LYPLAL1: variants seen among roughly 807,000 people sequenced by gnomAD.
LYPLAL1 encodes the protein lysophospholipase-like protein 1.
LYPLAL1 carries 23 observed loss-of-function variants against 19.7 expected under a neutral mutation model. The ratio of observed to expected loss-of-function variants is 1.17; its 90% CI spans 0.84 to 1.65. The LOEUF (loss-of-function observed/expected upper bound fraction) is 1.65, where lower values mean the gene tolerates loss of function less well. Among genes scored for constraint, LYPLAL1 ranks in the 40% most tolerant of loss-of-function variants. The pLI, the probability that LYPLAL1 is intolerant of heterozygous loss-of-function variation, is 0.00. For synonymous variants in LYPLAL1, 119 were observed against 96.3 expected (o/e 1.24, Z -1.38); for missense variants, 355 against 279.4 (o/e 1.27, Z -1.93).
the LYPLAL1 span, among the ~76,000 whole-genome samples, chr1:219,331,334 C>T: frequency 6.6e-6 from 1 of 152,120 alleles, no homozygotes; most frequent in African/African-American, 2.4e-5. Context: ...CCATTCCAAA[C>T]TCAGTAGCTT....
chr1:219,292,229 G>A, the LYPLAL1 span, among the ~76,000 whole-genome samples: 1 of 152,186 alleles, frequency 6.6e-6, no homozygotes, highest in Non-Finnish European at 1.5e-5. Flanking sequence ...TCCTGGGAAT[G>A]TGAAAGCCCT....
At chr1:219,304,281 A>G in the LYPLAL1 span, among the ~76,000 whole-genome samples, 1 of 152,256 alleles carries the variant, frequency 6.6e-6, no homozygotes, top group Admixed American at 6.5e-5. Context: ...CCATGCATTT[A>G]TAGTAGATGC....
At chr1:219,233,156 C>T in the LYPLAL1 span, among the ~76,000 whole-genome samples, 1 of 152,170 alleles carries the variant, frequency 6.6e-6, no homozygotes, top group African/African-American at 2.4e-5. Flanking sequence ...CAATGTGGCA[C>T]ATATACAGTG....
the LYPLAL1 span, among the ~76,000 whole-genome samples, chr1:219,375,823 G>A: frequency 1.3e-5 from 2 of 149,760 alleles, no homozygotes; most frequent in Non-Finnish European, 3.0e-5. Context: ...CTCACTGCAA[G>A]CTCCACCTCC....
intron 1 of LYPLAL1, 52 bp downstream of exon 1, chr1:219,174,033 C>T: frequency 1.2e-6 from 2 of 1,610,542 alleles, no homozygotes; most frequent in South Asian, 1.1e-5. Context: ...AACATCCTCC[C>T]CTCGGTTACC....
chr1:219,399,902 G>A, the LYPLAL1 span, among the ~76,000 whole-genome samples: 1 of 152,150 alleles, frequency 6.6e-6, no homozygotes, highest in East Asian at 1.9e-4. Flanking sequence ...TGCTACAGAT[G>A]CTCCCACACC....
At chr1:219,225,539 T>C in the LYPLAL1 span, 1 of 152,198 alleles carries the variant, frequency 6.6e-6, no homozygotes, top group Non-Finnish European at 1.5e-5. Flanking sequence ...CATCTTTCCA[T>C]TGTGACATCT....
chr1:219,352,401 T>C, the LYPLAL1 span, among the ~76,000 whole-genome samples: 1 of 152,052 alleles, frequency 6.6e-6, no homozygotes, highest in Non-Finnish European at 1.5e-5. Flanking sequence ...GCCTGTAGTC[T>C]CAGCTACTGG....
the LYPLAL1 span, among the ~76,000 whole-genome samples, chr1:219,416,988 A>G: frequency 6.6e-6 from 1 of 152,218 alleles, no homozygotes; most frequent in African/African-American, 2.4e-5. Flanking sequence ...CATTATACTA[A>G]AAGCATGCAC....
the LYPLAL1 span, among the ~76,000 whole-genome samples, chr1:219,221,567 A>C: frequency 6.6e-6 from 1 of 152,202 alleles, no homozygotes; most frequent in East Asian, 1.9e-4. Context: ...ACAAGAACCC[A>C]CCGAATAGTA....
the LYPLAL1 span, among the ~76,000 whole-genome samples, chr1:219,326,603 T>TTCC: frequency 6.6e-6 from 1 of 152,188 alleles, no homozygotes; most frequent in African/African-American, 2.4e-5. Flanking sequence ...CTTCTACCTA[T>TTCC]TTGATTCAAA....
the LYPLAL1 span, among the ~76,000 whole-genome samples, chr1:219,220,565 G>A: frequency 1.3e-5 from 2 of 152,136 alleles, no homozygotes; most frequent in East Asian, 3.9e-4. Context: ...ATCATTGAAA[G>A]GAGATGATCT....
intron 3 of LYPLAL1, among the ~76,000 whole-genome samples, chr1:219,201,664 A>G (rs1658113333): frequency 6.6e-6 from 1 of 152,132 alleles, no homozygotes; most frequent in African/African-American, 2.4e-5. Context: ...TTTTTTCTAC[A>G]TTGAGATACA....
At chr1:219,252,602 G>A in the LYPLAL1 span, among the ~76,000 whole-genome samples, 1 of 152,066 alleles carries the variant, frequency 6.6e-6, no homozygotes, top group African/African-American at 2.4e-5. Flanking sequence ...ATTTGTGTAT[G>A]TTAAATCAAC....
the LYPLAL1 span, among the ~76,000 whole-genome samples, chr1:219,334,098 C>T: frequency 6.6e-6 from 1 of 151,962 alleles, no homozygotes; most frequent in African/African-American, 2.4e-5. Context: ...CCTTGTAGCT[C>T]CTGAAACTCT....
At chr1:219,306,741 CATAGATAG>C in the LYPLAL1 span, among the ~76,000 whole-genome samples, 2,005 of 128,084 alleles carry the variant, frequency 0.016, 70 homozygotes, top group African/African-American at 0.056. Flanking sequence ...CAGACAGATG[CATAGATAG>C]ATAGATAGAT....
At chr1:219,274,850 A>G in the LYPLAL1 span, among the ~76,000 whole-genome samples, 12 of 152,210 alleles carry the variant, frequency 7.9e-5, no homozygotes, top group Non-Finnish European at 1.6e-4. Flanking sequence ...TTAAAAGTTT[A>G]CATGCCCTCC....
the LYPLAL1 span, among the ~76,000 whole-genome samples, chr1:219,329,262 A>T: frequency 6.6e-6 from 1 of 152,192 alleles, no homozygotes; most frequent in African/African-American, 2.4e-5. Context: ...TATAATGAGG[A>T]CAAAGGGATA....
chr1:219,251,813 A>G, the LYPLAL1 span, among the ~76,000 whole-genome samples: 1 of 152,044 alleles, frequency 6.6e-6, no homozygotes, highest in African/African-American at 2.4e-5. Flanking sequence ...AGTTCTGTAA[A>G]GAATGTAGCT....
Sources: allele counts gnomAD v4.1 joint callset (sites outside exome capture counted in the v4.1 genomes callset), GRCh38; gene constraint gnomAD v4.1.1; transcripts MANE v1.5; gene names NCBI Gene and HGNC (gene_info 2026-07-23, HGNC 2026-07-21).